CATSPERB: variants seen among roughly 807,000 people sequenced by gnomAD.
CATSPERB encodes cation channel sperm-associated auxiliary subunit beta.
A neutral mutation model predicts 128.3 loss-of-function variants in CATSPERB; 93 were observed. The ratio of observed to expected loss-of-function variants is 0.72; its 90% CI spans 0.61 to 0.86. The LOEUF (loss-of-function observed/expected upper bound fraction) is 0.86, where lower values mean the gene tolerates loss of function less well. Among genes scored for constraint, CATSPERB ranks in the 40% least tolerant of loss-of-function variants. CATSPERB has a pLI of 0.00. For synonymous variants in CATSPERB, 381 were observed against 448.8 expected, an observed-to-expected ratio of 0.85 and a Z score of 1.91; for missense variants, 1,153 against 1,329.5, an observed-to-expected ratio of 0.87 and a Z score of 2.06.
intron 1 of CATSPERB, among the ~76,000 whole-genome samples, chr14:91,729,845 G>A (rs964193067): frequency 1.3e-5 from 2 of 152,188 alleles, no homozygotes; most frequent in Non-Finnish European, 2.9e-5. Flanking sequence ...TGACAACGTT[G>A]CTTTTGGGGA....
intron 18 of CATSPERB, among the ~76,000 whole-genome samples, chr14:91,624,556 G>A (rs1447375638): frequency 2.0e-5 from 3 of 151,758 alleles, no homozygotes; most frequent in Non-Finnish European, 4.4e-5. Flanking sequence ...CAGGAGAATC[G>A]CTTGAACCTG....
intron 10 of CATSPERB, among the ~76,000 whole-genome samples, chr14:91,687,297 G>C (rs1365865082): frequency 6.6e-6 from 1 of 152,128 alleles, no homozygotes; most frequent in Non-Finnish European, 1.5e-5. Flanking sequence ...CATTTCCCTT[G>C]CAACATGTCC....
chr14:91,727,789 C>T (rs1896142278), intron 2 of CATSPERB, among the ~76,000 whole-genome samples: 1 of 151,718 alleles, frequency 6.6e-6, no homozygotes, highest in African/African-American at 2.4e-5. Context: ...CATTAAGGCT[C>T]AAATGGGTTG....
intron 7 of CATSPERB, among the ~76,000 whole-genome samples, chr14:91,699,528 C>A (rs1011724008): frequency 3.3e-5 from 5 of 151,648 alleles, no homozygotes; most frequent in African/African-American, 1.2e-4. Context: ...TATGTTGAAC[C>A]AATTTTGCAT....
intron 5 of CATSPERB, chr14:91,708,990 G>A (rs1895784969): frequency 1.3e-5 from 2 of 152,348 alleles, no homozygotes; most frequent in South Asian, 2.1e-4. Flanking sequence ...CCAAGGCTGA[G>A]GTCGAAACTG....
intron 22 of CATSPERB, among the ~76,000 whole-genome samples, chr14:91,599,971 A>G (rs948700975): frequency 2.0e-5 from 3 of 152,198 alleles, no homozygotes; most frequent in Admixed American, 2.0e-4. Flanking sequence ...GGGGCCCAAG[A>G]TATTTTCCTT....
At position 91,617,727 on chromosome 14, in the gene CATSPERB, A is replaced by G; in HGVS notation, c.2270T>C (p.Met757Thr). Residue 757 changes from methionine (M) to threonine (T), a missense_variant, in exon 20 of 27, where the codon ATG becomes ACG. Coordinates refer to ENST00000256343, the MANE Select transcript of CATSPERB (RefSeq NM_024764.4). ...KVIRNAKGFR[M>T]LEIPLLTVFV... ...CACAGTCAGTAGTGGTATTTCAAGC[A>G]TTCGAAAACCTATGGAAACAAGGTT... is the stretch of plus-strand genomic sequence containing the variant. 1 of 1,596,648 alleles carries G rather than the reference A, an allele frequency of 6.3e-7. No homozygotes were observed. The highest frequency in any genetic ancestry group is 1.2e-5 in the South Asian group (1 of 86,570).
At chr14:91,629,633 T>C (rs1044779937) in intron 17 of CATSPERB, among the ~76,000 whole-genome samples, 2 of 152,304 alleles carry the variant, frequency 1.3e-5, no homozygotes, top group African/African-American at 4.8e-5. Flanking sequence ...CAGAGGTATA[T>C]AGGAACTCTA....
rs1894027541 is a variant in CATSPERB at position 91,620,764 on chromosome 14, C to T, written c.2260+844G>A. ...CCAAAATCCACATATACTCAAGTCC[C>T]TAAATTGGGCCTGTGGAACTCACAC... On this transcript the variant is annotated intron_variant, in intron 19 of 26. Transcript: ENST00000256343. 2.0e-5 allele frequency among the ~76,000 whole-genome samples: 3 copies of T among 152,208 alleles called. No individual in the cohort carries two copies. The South Asian group carries it at 6.2e-4, about 32-fold the overall frequency.
In CATSPERB at chr14:91,624,172, A is replaced by AC. The variant is rs753127330; in HGVS notation, c.1930+647dup. ...AGACCAGCCTGGCTAACAAGGTGAA[A>AC]CCCCGTCTCCTAAAAAGACAAAAAT... On this transcript the variant is annotated intron_variant, in intron 18 of 26. Transcript: ENST00000256343. Among the ~76,000 whole-genome samples the AC allele has an allele frequency of 1.4e-4, 21 of 152,262 alleles. No homozygotes were observed. The East Asian group carries it at 1.9e-3, about 14-fold the overall frequency.
chr14:91,641,035 T>G (rs1894488150), intron 15 of CATSPERB, among the ~76,000 whole-genome samples: 1 of 131,150 alleles, frequency 7.6e-6, no homozygotes, highest in East Asian at 2.4e-4. Context: ...AAATGTCTTC[T>G]TTTGAGAAGT....
intron 20 of CATSPERB, among the ~76,000 whole-genome samples, chr14:91,616,939 T>C (rs1286064116): frequency 6.6e-6 from 1 of 152,044 alleles, no homozygotes; most frequent in Non-Finnish European, 1.5e-5. Context: ...AGACGGGGTT[T>C]CTCCATGTTT....
intron 26 of CATSPERB, 65 bp downstream of exon 26, chr14:91,587,137 G>A: frequency 7.6e-7 from 1 of 1,310,312 alleles, no homozygotes; most frequent in Non-Finnish European, 1.1e-6. Flanking sequence ...GGTGTCTCTT[G>A]AATTGGTTTT....
At position 91,679,562 on chromosome 14, in the gene CATSPERB, A is replaced by C. The variant is rs762069772; in HGVS notation, c.931+4315T>G. The stretch of plus-strand genomic sequence containing the variant: ...GATTTTTGATGGCTTAAAAAACCTC[A>C]GATTTAAAAGGGTTAAGGTTTTTAC... On this transcript the variant is annotated intron_variant, in intron 11 of 26. Coordinates refer to ENST00000256343, the MANE Select transcript of CATSPERB (RefSeq NM_024764.4). Among the ~76,000 whole-genome samples, 125 of 152,300 alleles carry C rather than the reference A, an allele frequency of 8.2e-4. No individual in the cohort carries two copies. The Middle Eastern group carries it at 0.014, about 17-fold the overall frequency.
intron 5 of CATSPERB, among the ~76,000 whole-genome samples, chr14:91,713,066 G>A (rs950375533): frequency 1.3e-5 from 2 of 152,152 alleles, no homozygotes; most frequent in Non-Finnish European, 2.9e-5. Context: ...TTTGTAAAGG[G>A]TCAGATAGTA....
intron 5 of CATSPERB, among the ~76,000 whole-genome samples, chr14:91,712,662 G>A (rs1187202711): frequency 6.6e-6 from 1 of 152,116 alleles, no homozygotes; most frequent in Non-Finnish European, 1.5e-5. Context: ...TAATTTGTAA[G>A]TATTCATTCA....
Position 91,655,261 on chromosome 14 carries a change from T to G in CATSPERB, c.1432+4576A>C, listed in dbSNP as rs532852975. 3.9e-5 allele frequency among the ~76,000 whole-genome samples: 6 copies of G among 152,306 alleles called. No homozygotes were observed. In the South Asian group the frequency reaches 1.2e-3, roughly 32 times the overall value. On this transcript the variant is annotated intron_variant, in intron 15 of 26. Coordinates refer to ENST00000256343, the MANE Select transcript of CATSPERB (RefSeq NM_024764.4). ...GAAAACTAAAATAAATACCAAACTC[T>G]TTAATCCCCAGACACCAATCAATGT...
intron 15 of CATSPERB, among the ~76,000 whole-genome samples, chr14:91,654,467 G>C (rs1412463177): frequency 5.3e-5 from 8 of 152,236 alleles, no homozygotes; most frequent in Non-Finnish European, 1.5e-5. Flanking sequence ...CGGTAGCCAG[G>C]GGGTAATTGC....
At position 91,729,322 on chromosome 14, in the gene CATSPERB, T is replaced by A. The variant is rs1896172696; in HGVS notation, c.79+79A>T. The A allele has an allele frequency of 1.4e-5, 8 of 569,886 alleles. No individual in the cohort carries two copies. In the South Asian group the frequency reaches 1.9e-4, roughly 14 times the overall value. The allele number at this position is 569,886 out of a possible 1,614,324, so 35.3% of individuals were successfully genotyped here. A position where few individuals can be genotyped will look rare whatever the true frequency, so the allele number is the denominator to read the frequency against. On this transcript the variant is annotated intron_variant, in intron 2 of 26. Transcript: ENST00000256343. ...TAAAGAAGAAATACTAAAAGAAAAA[T>A]TTTTTACTGTAAATAAGGAAGAGAC... is the stretch of plus-strand genomic sequence containing the variant.
Sources: gnomAD v4.1 joint callset for allele counts (sites outside exome capture counted in the v4.1 genomes callset) on GRCh38, gnomAD v4.1.1 for gene constraint, MANE v1.5 for transcripts, NCBI Gene and HGNC (gene_info 2026-07-23, HGNC 2026-07-21) for gene names.